Variants in HOMER1 observed in about 807,000 individuals in gnomAD.
The protein encoded by HOMER1 is homer scaffold protein 1, also known as homer protein homolog 1.
In HOMER1, 3 loss-of-function variants were observed where a neutral mutation model predicts 48.9. The observed-to-expected ratio is 0.06, with a 90% CI of 0.03 to 0.16. The LOEUF is 0.16. HOMER1 is among the 10% of genes least tolerant of loss of function. The probability of loss-of-function intolerance (pLI) is 1.00; values close to 1 mark genes in which losing one functional copy is unlikely to be tolerated. For synonymous variants in HOMER1, 134 were observed against 146.4 expected, an observed-to-expected ratio of 0.92 and a Z score of 0.61; for missense variants, 247 against 411.4, an observed-to-expected ratio of 0.60 and a Z score of 3.46.
intron 1 of HOMER1, among the ~76,000 whole-genome samples, chr5:79,508,450 A>G (rs1752837498): frequency 6.6e-6 from 1 of 152,222 alleles, no homozygotes. Flanking sequence ...ACTAAACTAC[A>G]GGATAATCCA....
chr5:79,387,829 CAAACTATAT>C (rs1475541192), intron 8 of HOMER1, among the ~76,000 whole-genome samples: 4 of 152,148 alleles, frequency 2.6e-5, no homozygotes, highest in East Asian at 1.9e-4. Context: ...CTATCCTCCC[CAAACTATAT>C]AAACTATACA....
intron 8 of HOMER1, among the ~76,000 whole-genome samples, chr5:79,379,124 A>ATATATTTAT (rs1748870571): frequency 1.1e-5 from 1 of 87,418 alleles, no homozygotes; most frequent in African/African-American, 4.8e-5. Flanking sequence ...AAAATATATA[A>ATATATTTAT]ATATTTATTT....
chr5:79,479,142 G>C (rs138079172), intron 1 of HOMER1, among the ~76,000 whole-genome samples: 25 of 152,264 alleles, frequency 1.6e-4, no homozygotes, highest in African/African-American at 6.0e-4. Flanking sequence ...AAACAGAAGA[G>C]GGAAAATCAA....
intron 8 of HOMER1, among the ~76,000 whole-genome samples, chr5:79,391,377 G>A (rs1366122407): frequency 4.0e-5 from 6 of 151,486 alleles, no homozygotes; most frequent in African/African-American, 1.2e-4. Flanking sequence ...CAATCTTCCC[G>A]CCGTGGTCTC....
chr5:79,489,783 A>G (rs912035868), intron 1 of HOMER1, among the ~76,000 whole-genome samples: 6 of 152,332 alleles, frequency 3.9e-5, no homozygotes, highest in Non-Finnish European at 1.5e-5. Flanking sequence ...AAATTACTAA[A>G]AGAGAAAAAC....
intron 1 of HOMER1, among the ~76,000 whole-genome samples, chr5:79,474,506 C>T (rs992026874): frequency 1.3e-4 from 20 of 152,054 alleles, no homozygotes; most frequent in African/African-American, 3.6e-4. Flanking sequence ...AATAAACTCC[C>T]ATTGGATCAT....
chr5:79,469,760 TG>T (rs563334580), intron 1 of HOMER1, among the ~76,000 whole-genome samples: 50 of 152,190 alleles, frequency 3.3e-4, no homozygotes, highest in Non-Finnish European at 6.0e-4. Context: ...AGCCTCCCGC[TG>T]GGACATTGGA....
chr5:79,394,169 C>CA (rs1749320542), intron 8 of HOMER1, among the ~76,000 whole-genome samples: 1 of 151,994 alleles, frequency 6.6e-6, no homozygotes, highest in Non-Finnish European at 1.5e-5. Context: ...CTTAATTTAC[C>CA]AATAACTATA....
At chr5:79,500,817 G>A (rs1351267590) in intron 1 of HOMER1, among the ~76,000 whole-genome samples, 2 of 151,880 alleles carry the variant, frequency 1.3e-5, no homozygotes, top group East Asian at 3.9e-4. Flanking sequence ...TAGAGATGGG[G>A]TTTTGCCATG....
intron 5 of HOMER1, among the ~76,000 whole-genome samples, chr5:79,421,819 A>C (rs1580439538): frequency 2.0e-5 from 3 of 151,868 alleles, no homozygotes; most frequent in Non-Finnish European, 4.4e-5. Flanking sequence ...TGTTGGCCAC[A>C]CTGGTCTCAA....
At chr5:79,389,546 A>G (rs1296716671) in intron 8 of HOMER1, among the ~76,000 whole-genome samples, 1 of 152,326 alleles carries the variant, frequency 6.6e-6, no homozygotes, top group Non-Finnish European at 1.5e-5. Flanking sequence ...TAAGGTCCTT[A>G]TAAAAGAGGT....
At chr5:79,463,129 C>T (rs1751361059) in intron 1 of HOMER1, among the ~76,000 whole-genome samples, 1 of 152,186 alleles carries the variant, frequency 6.6e-6, no homozygotes, top group African/African-American at 2.4e-5. Flanking sequence ...AGACCCTGTT[C>T]GCTGACTATC....
chr5:79,379,079 CATATATATATATATATATAT>C (rs3082000), intron 8 of HOMER1, among the ~76,000 whole-genome samples: 6 of 55,214 alleles, frequency 1.1e-4, no homozygotes, highest in Non-Finnish European at 2.0e-4. Flanking sequence ...ACCTTTTGTC[CATATATATATATATATATAT>C]ATATATATAT....
rs979370558 is a variant in HOMER1 at position 79,374,919 on chromosome 5, T to TA, written c.*1089dup. Reference sequence around the variant, plus strand: ...GATGTGATTGATGTGTAGAGCCAGATAGAGTACATGACTCCATCTCTATCT... The same window carrying TA: ...GATGTGATTGATGTGTAGAGCCAGATAAGAGTACATGACTCCATCTCTATCT... On this transcript the variant is annotated 3_prime_UTR_variant, in exon 9 of 9. Coordinates refer to ENST00000334082, the MANE Select transcript of HOMER1 (RefSeq NM_004272.5). 1 of 152,056 alleles carries TA rather than the reference T, an allele frequency of 6.6e-6. No individual in the cohort carries two copies. Among genetic ancestry groups the TA allele is most frequent in the Non-Finnish European group, 1.5e-5 (1 of 67,918 alleles). The allele number at this position is 152,056 out of a possible 1,614,324, so 9.4% of individuals were successfully genotyped here.
chr5:79,507,738 G>C (rs1405890116), intron 1 of HOMER1, among the ~76,000 whole-genome samples: 2 of 150,940 alleles, frequency 1.3e-5, no homozygotes, highest in Non-Finnish European at 2.9e-5. Context: ...CATGGCAGTA[G>C]AGAGGTTAGA....
Position 79,500,963 on chromosome 5 carries a change from G to GACAC in HOMER1, c.5+11803_5+11806dup, listed in dbSNP as rs140189642. ...TGTGTGTGTGTGTGTGAGACAGACA[G>GACAC]ACACACACACACACACACACACACA... On this transcript the variant is annotated intron_variant, in intron 1 of 8. Coordinates refer to ENST00000334082, the MANE Select transcript of HOMER1 (RefSeq NM_004272.5). 5.9e-3 allele frequency among the ~76,000 whole-genome samples: 602 copies of GACAC among 101,668 alleles called. 3 individuals are homozygous for GACAC. Among genetic ancestry groups the GACAC allele is most frequent in the Middle Eastern group, 0.015 (2 of 134 alleles). The allele number at this position is 101,668 out of a possible 152,430, so 66.7% of individuals were successfully genotyped here.
chr5:79,500,969 C>CG (rs1752568006), intron 1 of HOMER1, among the ~76,000 whole-genome samples: 1 of 94,688 alleles, frequency 1.1e-5, no homozygotes, highest in African/African-American at 3.5e-5. Context: ...GACAGACACA[C>CG]ACACACACAC....
At chr5:79,396,563 T>A (rs1031247434) in intron 8 of HOMER1, among the ~76,000 whole-genome samples, 8 of 151,984 alleles carry the variant, frequency 5.3e-5, no homozygotes, top group Non-Finnish European at 1.0e-4. Flanking sequence ...TATTTTTTTT[T>A]AATTAAAAGT....
intron 6 of HOMER1, among the ~76,000 whole-genome samples, chr5:79,400,883 T>C (rs1207973072): frequency 1.4e-5 from 2 of 144,014 alleles, no homozygotes; most frequent in Non-Finnish European, 3.0e-5. Context: ...TAGCTAGGAC[T>C]ACAGGCGTGT....
Sources: allele counts gnomAD v4.1 joint callset (sites outside exome capture counted in the v4.1 genomes callset), GRCh38; gene constraint gnomAD v4.1.1; transcripts MANE v1.5; gene names NCBI Gene and HGNC (gene_info 2026-07-23, HGNC 2026-07-21).